NUFIP1: variants seen among roughly 807,000 people sequenced by gnomAD.
NUFIP1 encodes the protein FMR1-interacting protein NUFIP1.
NUFIP1 carries 38 observed loss-of-function variants against 56.2 expected under a neutral mutation model. That is an observed-to-expected ratio of 0.68 (90% CI 0.52 to 0.89). NUFIP1 has a LOEUF of 0.89. Among genes scored for constraint, NUFIP1 ranks in the 40% least tolerant of loss-of-function variants. NUFIP1 has a pLI of 0.00. For missense variants in NUFIP1, 567 were observed against 605.8 expected (o/e 0.94, Z 0.67); for synonymous variants, 215 against 212.4 (o/e 1.01, Z -0.10).
intron 5 of NUFIP1, among the ~76,000 whole-genome samples, chr13:44,974,935 G>C (rs1382223255): frequency 6.6e-6 from 1 of 152,216 alleles, no homozygotes. Context: ...AGGCCAAGGA[G>C]TAATCATCTG....
intron 5 of NUFIP1, among the ~76,000 whole-genome samples, chr13:44,970,829 G>A (rs1245979214): frequency 6.6e-6 from 1 of 151,862 alleles, no homozygotes; most frequent in East Asian, 1.9e-4. Flanking sequence ...TGCGTGCCAC[G>A]ATGCCCAGCT....
chr13:44,942,658 G>A (rs969259456), intron 9 of NUFIP1, among the ~76,000 whole-genome samples: 6 of 152,080 alleles, frequency 3.9e-5, no homozygotes, highest in Non-Finnish European at 8.8e-5. Context: ...GAAAATCTTT[G>A]ATTTTCAAAC....
chr13:44,971,017 A>G (rs187345198), intron 5 of NUFIP1, among the ~76,000 whole-genome samples: 36 of 152,310 alleles, frequency 2.4e-4, no homozygotes, highest in Admixed American at 9.2e-4. Context: ...GATAGTATTT[A>G]TGCATTTTTG....
chr13:44,959,407 A>G lies in NUFIP1; in HGVS notation c.995T>C (p.Leu332Pro), dbSNP rs1420258534. 2 of 1,613,884 alleles carry G rather than the reference A, an allele frequency of 1.2e-6. No individual in the cohort carries two copies. Among genetic ancestry groups the G allele is most frequent in the South Asian group, 1.1e-5 (1 of 90,948 alleles). Residue 332 changes from leucine (L) to proline (P), a missense_variant, in exon 7 of 10, where the codon CTT (leucine) becomes CCT (proline). By Grantham distance (98) the Leu-to-Pro change is moderately conservative (BLOSUM62 -3). Transcript: ENST00000379161. ...AGAATCACTGTTTATCAAAACACCA[A>G]GAGGATCTGCATTTGCCTCCGGTGG... ...EGPPEANADPLGVLINSDSES... is the reference protein window; with the variant it reads ...EGPPEANADPPGVLINSDSES...
chr13:44,960,767 A>G (rs1341578894), intron 6 of NUFIP1, among the ~76,000 whole-genome samples: 1 of 152,194 alleles, frequency 6.6e-6, no homozygotes. Context: ...ACTTTTAGAA[A>G]GAAAGCAAGT....
chr13:44,980,950 T>A (rs1385718283), intron 2 of NUFIP1, 130 bp from the exon 3 acceptor site: 11 of 576,626 alleles, frequency 1.9e-5, no homozygotes, highest in Non-Finnish European at 3.3e-5. Flanking sequence ...GAGAAGCTTG[T>A]GAGTATATTT....
At chr13:44,972,388 G>A (rs1871834328) in intron 5 of NUFIP1, among the ~76,000 whole-genome samples, 1 of 152,146 alleles carries the variant, frequency 6.6e-6, no homozygotes, top group African/African-American at 2.4e-5. Context: ...CTAAAAATAA[G>A]TGAGTCAGAC....
At chr13:44,948,504 T>G (rs1326862984) in intron 8 of NUFIP1, among the ~76,000 whole-genome samples, 2 of 152,168 alleles carry the variant, frequency 1.3e-5, no homozygotes, top group African/African-American at 4.8e-5. Flanking sequence ...TGTATTCTTA[T>G]TCTCAGCACA....
chr13:44,964,398 C>T (rs909685230), intron 6 of NUFIP1, among the ~76,000 whole-genome samples: 2 of 152,242 alleles, frequency 1.3e-5, no homozygotes, highest in African/African-American at 4.8e-5. Context: ...TGACACAGGG[C>T]ATGAAGCAAC....
At chr13:44,980,687 G>T in intron 3 of NUFIP1, 35 bp downstream of exon 3, 1 of 1,323,830 alleles carries the variant, frequency 7.6e-7, no homozygotes, top group Non-Finnish European at 1.1e-6. Context: ...AAGCACAATT[G>T]CTACATCAGT....
chr13:44,952,967 T>C (rs1871127558), intron 7 of NUFIP1, among the ~76,000 whole-genome samples: 1 of 152,220 alleles, frequency 6.6e-6, no homozygotes, highest in Non-Finnish European at 1.5e-5. Context: ...CTGACATTTT[T>C]GAAGATTAGA....
chr13:44,943,778 T>C (rs1242306015), intron 8 of NUFIP1, 104 bp from the exon 9 acceptor site: 3 of 806,054 alleles, frequency 3.7e-6, no homozygotes, highest in Non-Finnish European at 6.0e-6. Context: ...CTAGCCATAA[T>C]ATTGTTCACT....
intron 1 of NUFIP1, among the ~76,000 whole-genome samples, chr13:44,986,116 T>C (rs1322900686): frequency 1.3e-5 from 2 of 152,200 alleles, no homozygotes; most frequent in Non-Finnish European, 2.9e-5. Context: ...CCACCGTGTC[T>C]GGATGAAAAG....
intron 5 of NUFIP1, among the ~76,000 whole-genome samples, chr13:44,976,922 C>T (rs145173124): frequency 1.9e-3 from 284 of 152,260 alleles, no homozygotes; most frequent in African/African-American, 6.6e-3. Flanking sequence ...ATTAATCCAC[C>T]AATCCATGAA....
At chr13:44,961,556 G>T (rs1871425436) in intron 6 of NUFIP1, among the ~76,000 whole-genome samples, 6 of 152,056 alleles carry the variant, frequency 3.9e-5, no homozygotes, top group Admixed American at 3.9e-4. Context: ...TCCCTTTAGG[G>T]TCATAATAAC....
At position 44,939,575 on chromosome 13, in the gene NUFIP1, C is replaced by T. The variant is rs1870662229; in HGVS notation, c.*1631G>A. On this transcript the variant is annotated 3_prime_UTR_variant, in exon 10 of 10. Coordinates refer to ENST00000379161, the MANE Select transcript of NUFIP1 (RefSeq NM_012345.3). Reference sequence around the variant, plus strand: ...TTTACAAATATTGACCATATAATTCCATAAAGTAGAAACCATACAGGCTAT... The same window carrying T: ...TTTACAAATATTGACCATATAATTCTATAAAGTAGAAACCATACAGGCTAT... 6.6e-6 allele frequency: 1 copy of T among 152,104 alleles called. No individual in the cohort carries two copies. The highest frequency in any genetic ancestry group is 6.5e-5 in the Admixed American group (1 of 15,268). The allele number at this position is 152,104 out of a possible 1,614,324, so 9.4% of individuals were successfully genotyped here.
rs532716831 is a variant in NUFIP1 at position 44,960,558 on chromosome 13, C to T, written c.828-984G>A. 6.9e-4 allele frequency among the ~76,000 whole-genome samples: 105 copies of T among 152,310 alleles called. 1 individual carries two copies. Among genetic ancestry groups the T allele is most frequent in the Middle Eastern group, 3.4e-3 (1 of 294 alleles). Reference sequence around the variant, plus strand: ...CCAGGATTATAGGCATGAGCCACTACACCTGGCCTTGTCTACTCATTTTTA... The same window carrying T: ...CCAGGATTATAGGCATGAGCCACTATACCTGGCCTTGTCTACTCATTTTTA... On this transcript the variant is annotated intron_variant, in intron 6 of 9. Transcript: ENST00000379161.
rs1479229575 is a variant in NUFIP1 at position 44,939,437 on chromosome 13, T to C, written c.*1769A>G. On this transcript the variant is annotated 3_prime_UTR_variant, in exon 10 of 10. Transcript: ENST00000379161. ...TTTCAGAAACTGATTAAACGAACAA[T>C]AAGATAGGAATGTAGAAGGCAGAAA... 6.6e-6 allele frequency: 1 copy of C among 152,080 alleles called. No individual in the cohort carries two copies. The highest frequency in any genetic ancestry group is 1.5e-5 in the Non-Finnish European group (1 of 68,000). 9.4% of individuals were successfully genotyped at this position (152,080 alleles called of 1,614,324 possible). A position where few individuals can be genotyped will look rare whatever the true frequency, so the allele number is the denominator to read the frequency against.
chr13:44,976,549 T>C (rs1030537910), intron 5 of NUFIP1, among the ~76,000 whole-genome samples: 1 of 152,116 alleles, frequency 6.6e-6, no homozygotes, highest in African/African-American at 2.4e-5. Flanking sequence ...CAAAACATTT[T>C]TTAAAAAGTC....
Sources: allele counts gnomAD v4.1 joint callset (sites outside exome capture counted in the v4.1 genomes callset), GRCh38; gene constraint gnomAD v4.1.1; transcripts MANE v1.5; gene names NCBI Gene and HGNC (gene_info 2026-07-23, HGNC 2026-07-21).